TASP1: variants seen among roughly 807,000 people sequenced by gnomAD.
The protein encoded by TASP1 is taspase 1.
Under a neutral mutation model 56.6 loss-of-function variants are expected in TASP1, and 16 were observed. That is an observed-to-expected ratio of 0.28 (90% CI 0.19 to 0.43). TASP1 has a LOEUF of 0.43. Among genes scored for constraint, TASP1 ranks in the 20% least tolerant of loss-of-function variants. The pLI, the probability that TASP1 is intolerant of heterozygous loss-of-function variation, is 1.00. For missense variants in TASP1, 393 were observed against 511.6 expected (o/e 0.77, Z 2.24); for synonymous variants, 179 against 184.2 (o/e 0.97, Z 0.23).
At chr20:13,412,261 T>C (rs1298071280) in intron 13 of TASP1, among the ~76,000 whole-genome samples, 2 of 152,150 alleles carry the variant, frequency 1.3e-5, no homozygotes, top group African/African-American at 4.8e-5. Context: ...CATTAAAAAT[T>C]TGGCTGATTT....
chr20:13,522,615 A>T (rs2044807492), intron 10 of TASP1, among the ~76,000 whole-genome samples: 1 of 152,170 alleles, frequency 6.6e-6, no homozygotes, highest in Admixed American at 6.5e-5. Context: ...TGCTAAATAG[A>T]TGTCTGTTAT....
intron 8 of TASP1, among the ~76,000 whole-genome samples, chr20:13,556,706 T>C (rs1164039538): frequency 3.3e-5 from 5 of 152,162 alleles, no homozygotes; most frequent in African/African-American, 9.7e-5. Flanking sequence ...ACAGGGCCTC[T>C]GCACATGCAG....
chr20:13,126,768 T>G, the TASP1 span: 1 of 1,601,278 alleles, frequency 6.2e-7, no homozygotes, highest in Non-Finnish European at 8.5e-7. Context: ...GTCTCCCTTC[T>G]GCCTCATTAA....
At chr20:13,456,491 T>G (rs946945165) in intron 11 of TASP1, among the ~76,000 whole-genome samples, 1 of 152,164 alleles carries the variant, frequency 6.6e-6, no homozygotes, top group African/African-American at 2.4e-5. Context: ...GGGTGCCAAT[T>G]ATTCTTCAAT....
chr20:13,488,173 A>G (rs996913552), intron 10 of TASP1, among the ~76,000 whole-genome samples: 1 of 152,160 alleles, frequency 6.6e-6, no homozygotes, highest in Non-Finnish European at 1.5e-5. Context: ...AATTTTCTAG[A>G]ATTTAAGTTA....
intron 10 of TASP1, among the ~76,000 whole-genome samples, chr20:13,523,252 C>G (rs1361477363): frequency 6.6e-6 from 1 of 152,146 alleles, no homozygotes; most frequent in African/African-American, 2.4e-5. Context: ...TTGTATTCAC[C>G]AAGAGTGCCT....
the TASP1 span, among the ~76,000 whole-genome samples, chr20:13,206,634 G>A: frequency 3.3e-5 from 5 of 152,274 alleles, no homozygotes; most frequent in Non-Finnish European, 7.3e-5. Flanking sequence ...TATTGAGGCT[G>A]CCATTTTCTA....
chr20:13,117,054 C>T, the TASP1 span, among the ~76,000 whole-genome samples: 1 of 152,100 alleles, frequency 6.6e-6, no homozygotes, highest in African/African-American at 2.4e-5. Flanking sequence ...TTTTTAATTC[C>T]CTCTTTTAAT....
the TASP1 span, among the ~76,000 whole-genome samples, chr20:13,317,086 C>T: frequency 0.12 from 18,930 of 151,796 alleles, 1,284 homozygotes; most frequent in Admixed American, 0.18. Context: ...GCAATTATAG[C>T]GGCATTGCAG....
At chr20:13,434,507 C>T (rs1437283049) in intron 12 of TASP1, among the ~76,000 whole-genome samples, 1 of 152,148 alleles carries the variant, frequency 6.6e-6, no homozygotes, top group African/African-American at 2.4e-5. Context: ...ACTCATTTGA[C>T]CCTCCCTCAC....
At chr20:13,333,120 T>G in the TASP1 span, among the ~76,000 whole-genome samples, 1 of 152,334 alleles carries the variant, frequency 6.6e-6, no homozygotes, top group South Asian at 2.1e-4. Context: ...TCCCACCAAG[T>G]GTGGGGCCCT....
chr20:13,270,558 A>G, the TASP1 span: 5 of 1,613,906 alleles, frequency 3.1e-6, no homozygotes, highest in African/African-American at 6.7e-5. Context: ...TTCTCTCTCC[A>G]AAGAAGCACC....
At chr20:13,267,189 C>T in the TASP1 span, among the ~76,000 whole-genome samples, 27 of 152,166 alleles carry the variant, frequency 1.8e-4, no homozygotes, top group African/African-American at 2.7e-4. Flanking sequence ...GGCAAGGTGT[C>T]CAGTTAAATA....
the TASP1 span, among the ~76,000 whole-genome samples, chr20:13,291,948 A>G: frequency 2.6e-5 from 4 of 152,224 alleles, no homozygotes; most frequent in Admixed American, 2.6e-4. Flanking sequence ...GAGGCACACA[A>G]AAGTTCACTG....
At chr20:13,461,907 A>G (rs149918351) in intron 11 of TASP1, among the ~76,000 whole-genome samples, 2 of 152,184 alleles carry the variant, frequency 1.3e-5, no homozygotes, top group Admixed American at 1.3e-4. Context: ...TACAAGATTC[A>G]TTCTTTCCAT....
the TASP1 span, among the ~76,000 whole-genome samples, chr20:13,174,939 C>T: frequency 2.2e-3 from 338 of 152,212 alleles, 3 homozygotes; most frequent in East Asian, 0.012. Context: ...ATAAGTCTCA[C>T]GAGATCTAAT....
intron 10 of TASP1, among the ~76,000 whole-genome samples, chr20:13,522,357 C>G (rs2044797119): frequency 6.6e-6 from 1 of 152,112 alleles, no homozygotes; most frequent in Non-Finnish European, 1.5e-5. Context: ...AGCAATGATC[C>G]AGATTAGAGA....
the TASP1 span, among the ~76,000 whole-genome samples, chr20:13,367,210 C>T: frequency 2.5e-4 from 38 of 152,314 alleles, no homozygotes; most frequent in Non-Finnish European, 4.1e-4. Flanking sequence ...ACATGGTTAG[C>T]GGTAAATACA....
the TASP1 span, chr20:13,279,690 G>T: frequency 6.2e-7 from 1 of 1,614,008 alleles, no homozygotes; most frequent in Non-Finnish European, 8.5e-7. Context: ...ATCAGCATCC[G>T]GAGAATAAGC....
Sources: gnomAD v4.1 joint callset for allele counts (sites outside exome capture counted in the v4.1 genomes callset) on GRCh38, gnomAD v4.1.1 for gene constraint, MANE v1.5 for transcripts, NCBI Gene and HGNC (gene_info 2026-07-23, HGNC 2026-07-21) for gene names.